Variants in ZFP62 observed in about 807,000 individuals in gnomAD.
ZFP62 encodes zinc finger protein 62 homolog.
In ZFP62, 44 loss-of-function variants were observed where a neutral mutation model predicts 56.4. The ratio of observed to expected loss-of-function variants is 0.78; its 90% CI spans 0.61 to 1.00. The LOEUF is 1.00. Among genes scored for constraint, ZFP62 ranks in the 50% least tolerant of loss-of-function variants. The pLI is 0.00. For synonymous variants in ZFP62, 421 were observed against 388.9 expected (o/e 1.08, Z -0.97); for missense variants, 1,030 against 1,085.7 (o/e 0.95, Z 0.72).
chr5:180,841,767 A>G, the ZFP62 span, among the ~76,000 whole-genome samples: 2 of 152,250 alleles, frequency 1.3e-5, no homozygotes, highest in Non-Finnish European at 2.9e-5. Flanking sequence ...ATGAAAAAGG[A>G]AGAAGGTCCA....
At position 180,850,455 on chromosome 5, in the gene ZFP62, T is replaced by C; in HGVS notation, c.1040A>G (p.Asn347Ser). The change falls in exon 2 of 2, where the codon AAT becomes AGT. Residue 347 changes from asparagine (N) to serine (S), a missense_variant. Physicochemically the swap from Asn to Ser is conservative, Grantham distance 46. Transcript: ENST00000502412. Reference sequence around the variant, plus strand: ...ATGCTGAATGAGAAGAGAGCTATAATTAAAAGATTTCTCACACTCATCACA... The same window carrying C: ...ATGCTGAATGAGAAGAGAGCTATAACTAAAAGATTTCTCACACTCATCACA... ...YKCDECEKSF[N>S]YSSLLIQHKV... The C allele has an allele frequency of 6.4e-7, 1 of 1,552,768 alleles. No homozygotes were observed. Among genetic ancestry groups the C allele is most frequent in the East Asian group, 2.4e-5 (1 of 40,946 alleles).
chr5:180,857,387 AAC>A (rs1226788936), intron 1 of ZFP62, among the ~76,000 whole-genome samples: 2 of 152,256 alleles, frequency 1.3e-5, no homozygotes, highest in African/African-American at 4.8e-5. Flanking sequence ...GCCATACAAA[AAC>A]AGTCCACAAG....
Position 180,850,904 on chromosome 5 carries a change from G to C in ZFP62, c.591C>G (p.Tyr197Ter), listed in dbSNP as rs761681810. 6.4e-7 allele frequency: 1 copy of C among 1,564,594 alleles called. No individual in the cohort carries two copies. The highest frequency in any genetic ancestry group is 1.2e-5 in the South Asian group (1 of 85,074). The change falls in exon 2 of 2, where the codon TAC becomes TAG. Residue 197 changes from tyrosine (Y) to a stop codon, truncating the protein, a stop_gained. Coordinates refer to ENST00000502412, the MANE Select transcript of ZFP62 (RefSeq NM_001172638.2). LOFTEE classifies it high-confidence loss of function. The part of the protein sequence containing the change: ...HKRIHTGEKP[Y>*]KCEECGKAYM... The stretch of plus-strand genomic sequence containing the variant: ...AGGCTTTCCCACATTCCTCACACTT[G>C]TACGGCTTCTCCCCAGTGTGGATCC...
Position 180,848,872 on chromosome 5 carries a change from T to C in ZFP62, c.2623A>G (p.Ser875Gly). The change falls in exon 2 of 2, where the codon AGT becomes GGT. Residue 875 changes from serine to glycine, a missense_variant. By Grantham distance (56) the Ser-to-Gly change is moderately conservative. Coordinates refer to ENST00000502412, the MANE Select transcript of ZFP62 (RefSeq NM_001172638.2). The part of the protein sequence containing the change: ...EESLNVIYVG[S>G]YSGTSQKRTY... ...CTCTTCTGGGATGTGCCACTATAAC[T>C]TCCCACATATATCACATTTAAAGAT... The C allele has an allele frequency of 6.4e-7, 1 of 1,551,656 alleles. No individual in the cohort carries two copies.
the ZFP62 span, among the ~76,000 whole-genome samples, chr5:180,838,056 C>T: frequency 2.0e-5 from 3 of 152,084 alleles, no homozygotes; most frequent in African/African-American, 7.2e-5. Flanking sequence ...CTTAACTGGA[C>T]CTGTGTATAG....
At chr5:180,842,513 A>T in the ZFP62 span, among the ~76,000 whole-genome samples, 3 of 152,274 alleles carry the variant, frequency 2.0e-5, no homozygotes, top group Non-Finnish European at 4.4e-5. Context: ...GCAGATGAAC[A>T]GCCAGAGTGG....
intron 1 of ZFP62, 32 bp downstream of exon 1, chr5:180,861,187 G>A (rs913284125): frequency 5.0e-6 from 2 of 398,316 alleles, no homozygotes; most frequent in Non-Finnish European, 8.9e-6. Flanking sequence ...AGGGCCGGGG[G>A]CGGGAGCGCG....
chr5:180,848,993 G>A lies in ZFP62; in HGVS notation c.2502C>T (p.His834=). The A allele has an allele frequency of 1.9e-6, 3 of 1,551,730 alleles. No individual in the cohort carries two copies. The highest frequency in any genetic ancestry group is 2.6e-6 in the Non-Finnish European group (3 of 1,146,978). The change falls in exon 2 of 2, where the codon CAC becomes CAT. Residue 834 remains histidine (H), a synonymous_variant. Coordinates refer to ENST00000502412, the MANE Select transcript of ZFP62 (RefSeq NM_001172638.2). ...TACATCGGTATGGCTTCTTTCCAGT[G>A]TGGATCCTTTTGTGCTGGTCAAGGA... ...RSVLDQHKRI[H]TGKKPYRCNE...
rs1773562205 is a variant in ZFP62, at chr5:180,849,488, C to T, written c.2007G>A (p.Gly669=). The T allele has an allele frequency of 6.4e-7, 1 of 1,551,966 alleles. No homozygotes were observed. Among genetic ancestry groups the T allele is most frequent in the Admixed American group, 2.0e-5 (1 of 50,960 alleles). The change falls in exon 2 of 2, where the codon GGG becomes GGA. Residue 669 remains glycine (G), a synonymous_variant. Coordinates refer to ENST00000502412, the MANE Select transcript of ZFP62 (RefSeq NM_001172638.2). ...SLKVHKRIHT[G]ERPYECDVCG... ...ACACATCACATTCATAGGGCCTCTC[C>T]CCAGTATGGATTCTTTTATGAACTT...
chr5:180,828,641 T>A, the ZFP62 span, among the ~76,000 whole-genome samples: 1 of 152,216 alleles, frequency 6.6e-6, no homozygotes, highest in South Asian at 2.1e-4. Context: ...CTATGATAAT[T>A]GTGTTAACTG....
intron 1 of ZFP62, among the ~76,000 whole-genome samples, chr5:180,857,656 C>G (rs2113715652): frequency 6.6e-6 from 1 of 152,228 alleles, no homozygotes; most frequent in East Asian, 1.9e-4. Context: ...TGCCACCATG[C>G]TCAGCTAATT....
In ZFP62 at chr5:180,851,206, T is replaced by TCAGATGCAA. The variant is rs1478443109; in HGVS notation, c.280_288dup (p.Leu94_Leu96dup). The stretch of plus-strand genomic sequence containing the variant: ...GTCTGGTGTGTGATATGCTGTGGGC[T>TCAGATGCAA]CAGATGCAAGCTCTTCTCAGATGCC... On this transcript the variant is annotated inframe_insertion, in exon 2 of 2. Transcript: ENST00000502412. 1 of 1,551,706 alleles carries TCAGATGCAA rather than the reference T, an allele frequency of 6.4e-7. No homozygotes were observed. The highest frequency in any genetic ancestry group is 1.2e-5 in the South Asian group (1 of 84,066).
At chr5:180,833,460 T>TA in the ZFP62 span, among the ~76,000 whole-genome samples, 22 of 131,992 alleles carry the variant, frequency 1.7e-4, no homozygotes, top group African/African-American at 6.5e-4. Flanking sequence ...GCCTGGGCGA[T>TA]ACGGTGAAAC....
At position 180,848,446 on chromosome 5, in the gene ZFP62, C is replaced by G. The variant is rs1315349395; in HGVS notation, c.*346G>C. ...AGTAACAGAATTTACCAAACATGAACTTTCTGATGGTGATTACGTAACTTC... is the reference window on the plus strand; with the variant it reads ...AGTAACAGAATTTACCAAACATGAAGTTTCTGATGGTGATTACGTAACTTC... On this transcript the variant is annotated 3_prime_UTR_variant, in exon 2 of 2. Transcript: ENST00000502412. 2.0e-6 allele frequency: 2 copies of G among 1,021,386 alleles called. No individual in the cohort carries two copies. Among genetic ancestry groups the G allele is most frequent in the African/African-American group, 3.4e-5 (2 of 58,620 alleles). The allele number at this position is 1,021,386 out of a possible 1,614,324, so 63.3% of individuals were successfully genotyped here.
chr5:180,846,004 C>T (rs1420327522), downstream of ZFP62: 5 of 352,132 alleles, frequency 1.4e-5, no homozygotes, highest in Admixed American at 6.5e-5. Context: ...TTCTCCTCCC[C>T]GCTTTTCCCT....
At chr5:180,838,112 C>T in the ZFP62 span, among the ~76,000 whole-genome samples, 1 of 152,094 alleles carries the variant, frequency 6.6e-6, no homozygotes, top group Non-Finnish European at 1.5e-5. Flanking sequence ...AATTCCCTTC[C>T]CTTCCTTAAC....
chr5:180,829,503 G>A, the ZFP62 span, among the ~76,000 whole-genome samples: 8 of 152,090 alleles, frequency 5.3e-5, no homozygotes, highest in South Asian at 2.1e-4. Context: ...GTAAAATTCC[G>A]CTCTTTGTAC....
downstream of ZFP62, chr5:180,845,873 A>G: frequency 2.0e-6 from 2 of 985,460 alleles, no homozygotes; most frequent in Non-Finnish European, 2.4e-6. Context: ...CAGTGTCTTC[A>G]TACACAAAAC....
the ZFP62 span, among the ~76,000 whole-genome samples, chr5:180,828,953 T>C: frequency 1.3e-5 from 2 of 152,226 alleles, no homozygotes; most frequent in East Asian, 1.9e-4. Context: ...GTCTGTCCTA[T>C]GCGGTAGCGA....
Sources: allele counts gnomAD v4.1 joint callset (sites outside exome capture counted in the v4.1 genomes callset), GRCh38; gene constraint gnomAD v4.1.1; transcripts MANE v1.5; gene names NCBI Gene and HGNC (gene_info 2026-07-23, HGNC 2026-07-21).